Variants in MAP3K15 observed in about 807,000 individuals in gnomAD.
The protein encoded by MAP3K15 is MAPK/ERK kinase kinase 15.
MAP3K15 carries 124 observed loss-of-function variants against 99.5 expected under a neutral mutation model. The ratio of observed to expected loss-of-function variants is 1.25; its 90% CI spans 1.08 to 1.45. The LOEUF is 1.45. Ranked by LOEUF, MAP3K15 falls within the 40% of genes most tolerant of loss-of-function variation. The pLI is 0.00. For missense variants in MAP3K15, 1,242 were observed against 1,079.7 expected, an observed-to-expected ratio of 1.15 and a Z score of -2.11; for synonymous variants, 494 against 439.6, an observed-to-expected ratio of 1.12 and a Z score of -1.55.
intron 6 of MAP3K15, among the ~76,000 whole-genome samples, chrX:19,447,712 G>A (rs913745809): frequency 3.1e-5 from 3 of 95,606 alleles, no homozygotes; most frequent in Admixed American, 1.2e-4. Flanking sequence ...GTGAAACCCC[G>A]TCTCTACTAA....
chrX:19,360,710 G>T lies in MAP3K15; in HGVS notation c.*39C>A. On this transcript the variant is annotated 3_prime_UTR_variant, in exon 29 of 29. Transcript: ENST00000338883. ...AACAGAAGCTTTAACAAAACATGTAGCGTGGTGGGACACTCTGCCACAGCT... is the reference window on the plus strand; with the variant it reads ...AACAGAAGCTTTAACAAAACATGTATCGTGGTGGGACACTCTGCCACAGCT... 1.9e-6 allele frequency: 2 copies of T among 1,034,623 alleles called. No homozygotes were observed. The highest frequency in any genetic ancestry group is 2.7e-6 in the Non-Finnish European group (2 of 738,489). The allele number at this position is 1,034,623 out of a possible 1,213,427, so 85.3% of individuals were successfully genotyped here. A position where few individuals can be genotyped will look rare whatever the true frequency, so the allele number is the denominator to read the frequency against.
At chrX:19,424,231 C>T (rs1015823274) in intron 9 of MAP3K15, among the ~76,000 whole-genome samples, 1 of 97,756 alleles carries the variant, frequency 1.0e-5, no homozygotes, top group South Asian at 4.2e-4. Flanking sequence ...CATATATGTA[C>T]ACACATATAT....
intron 3 of MAP3K15, among the ~76,000 whole-genome samples, chrX:19,475,077 A>G (rs1440754854): frequency 3.6e-5 from 4 of 110,471 alleles, no homozygotes; most frequent in Non-Finnish European, 7.6e-5. Flanking sequence ...TTATTACATT[A>G]TAATATATAA....
chrX:19,437,726 T>G (rs1406298173), intron 6 of MAP3K15, among the ~76,000 whole-genome samples: 1 of 111,880 alleles, frequency 8.9e-6, no homozygotes, highest in Non-Finnish European at 1.9e-5. Context: ...GGGTGGAGAC[T>G]TTTTGGGTCT....
chrX:19,472,223 CAAAAATAATAATAAT>C (rs1319037499), intron 3 of MAP3K15, among the ~76,000 whole-genome samples: 1 of 65,783 alleles, frequency 1.5e-5, no homozygotes, highest in Admixed American at 2.1e-4. Context: ...GACTCTGTCT[CAAAAATAATAATAAT>C]AATAATAATA....
chrX:19,378,028 G>A (rs1346472924), intron 19 of MAP3K15, among the ~76,000 whole-genome samples: 5 of 112,241 alleles, frequency 4.5e-5, no homozygotes, highest in Non-Finnish European at 7.5e-5. Context: ...GGCAGCACTC[G>A]GGACCCATTG....
At chrX:19,498,591 C>A (rs922237650) in intron 1 of MAP3K15, among the ~76,000 whole-genome samples, 4 of 111,978 alleles carry the variant, frequency 3.6e-5, no homozygotes, top group Admixed American at 9.5e-5. Context: ...AGTTTTTGCT[C>A]CGGAAGGCAG....
chrX:19,473,553 A>G lies in MAP3K15; in HGVS notation c.526-9147T>C, dbSNP rs1019452029. On this transcript the variant is annotated intron_variant, in intron 3 of 28. Coordinates refer to ENST00000338883, the MANE Select transcript of MAP3K15 (RefSeq NM_001001671.4). Reference sequence around the variant, plus strand: ...AGTTTAGTTTCCTACATAAAGAGGTATTTGAACCAGTATGCTAACCACATT... The same window carrying G: ...AGTTTAGTTTCCTACATAAAGAGGTGTTTGAACCAGTATGCTAACCACATT... Among the ~76,000 whole-genome samples the G allele has an allele frequency of 4.0e-4, 45 of 112,455 alleles. 1 individual carries two copies. Among genetic ancestry groups the G allele is most frequent in the Non-Finnish European group, 5.6e-5 (3 of 53,299 alleles).
intron 14 of MAP3K15, 72 bp downstream of exon 14, chrX:19,400,504 A>G (rs2063599657): frequency 2.5e-6 from 2 of 785,548 alleles, no homozygotes; most frequent in Non-Finnish European, 3.8e-6. Flanking sequence ...TTTTATAGAA[A>G]GATGGGACAT....
At position 19,489,445 on chromosome X, in the gene MAP3K15, G is replaced by A. The variant is rs150752174; in HGVS notation, c.362-478C>T. On this transcript the variant is annotated intron_variant, in intron 1 of 28. Coordinates refer to ENST00000338883, the MANE Select transcript of MAP3K15 (RefSeq NM_001001671.4). ...GTATTTGTCAGTTCCACGCACGTGT[G>A]TGTGCGCTATAGAATGAACGTTTGT... Among the ~76,000 whole-genome samples the A allele has an allele frequency of 1.4e-4, 15 of 110,954 alleles. No individual in the cohort carries two copies. In the East Asian group the frequency reaches 4.3e-3, roughly 32 times the overall value.
At chrX:19,452,061 AAG>A (rs1491259128) in intron 6 of MAP3K15, among the ~76,000 whole-genome samples, 20 of 131 alleles carry the variant, frequency 0.15, no homozygotes, top group Admixed American at 0.46. Context: ...TCTGTCAGAG[AAG>A]AGAAGAGAAG....
intron 7 of MAP3K15, 150 bp from the exon 8 acceptor site, chrX:19,426,493 C>A: frequency 3.0e-6 from 1 of 336,917 alleles, no homozygotes; most frequent in Non-Finnish European, 5.1e-6. Flanking sequence ...TTACCAACAG[C>A]CACATGCAGC....
intron 6 of MAP3K15, among the ~76,000 whole-genome samples, chrX:19,448,218 A>G (rs1032667813): frequency 3.3e-4 from 36 of 109,492 alleles, no homozygotes; most frequent in African/African-American, 8.8e-4. Flanking sequence ...GAATGTCCAC[A>G]TGCGATTGAT....
intron 1 of MAP3K15, among the ~76,000 whole-genome samples, chrX:19,512,316 A>T (rs1399072807): frequency 2.7e-5 from 3 of 111,796 alleles, no homozygotes; most frequent in African/African-American, 6.5e-5. Context: ...TGTATCCCAG[A>T]ACTTAAAGTT....
At chrX:19,438,143 G>GT (rs1316833891) in intron 6 of MAP3K15, among the ~76,000 whole-genome samples, 3 of 111,739 alleles carry the variant, frequency 2.7e-5, no homozygotes, top group African/African-American at 9.7e-5. Context: ...GTCTTGCTCT[G>GT]TTGCCCAAGT....
intron 9 of MAP3K15, among the ~76,000 whole-genome samples, chrX:19,419,500 A>G (rs1013162069): frequency 9.0e-6 from 1 of 110,815 alleles, no homozygotes; most frequent in Admixed American, 9.6e-5. Flanking sequence ...TATCCTAAAT[A>G]TATATGCACC....
chrX:19,384,989 G>A (rs1236682342), intron 18 of MAP3K15, among the ~76,000 whole-genome samples: 3 of 110,879 alleles, frequency 2.7e-5, no homozygotes, highest in African/African-American at 9.8e-5. Context: ...TTAAAAATAT[G>A]GAGCCATGGT....
At chrX:19,402,970 A>G (rs2063619867) in intron 13 of MAP3K15, among the ~76,000 whole-genome samples, 1 of 111,695 alleles carries the variant, frequency 9.0e-6, no homozygotes, top group African/African-American at 3.3e-5. Context: ...CCAGCTATGA[A>G]TATTATTTTA....
chrX:19,425,604 T>C lies in MAP3K15; in HGVS notation c.1366A>G (p.Ser456Gly), dbSNP rs56212339. ...TTCCCGACATCATGGGCCAGCATGC[T>C]GACGCTGAAGAACTGACCCACATCC... ...YWDVGQFFSV[S>G]MLAHDVGKAV... The change falls in exon 9 of 29, where the codon AGC (serine) becomes GGC (glycine). Residue 456 changes from serine to glycine, a missense_variant. Transcript: ENST00000338883. 12,339 of 1,197,843 alleles carry C rather than the reference T, an allele frequency of 0.01. 55 individuals carry two copies. Among genetic ancestry groups the C allele is most frequent in the Non-Finnish European group, 0.013 (11,228 of 894,303 alleles).
Sources: allele counts gnomAD v4.1 joint callset (sites outside exome capture counted in the v4.1 genomes callset), GRCh38; gene constraint gnomAD v4.1.1; transcripts MANE v1.5; gene names NCBI Gene and HGNC (gene_info 2026-07-23, HGNC 2026-07-21).